The following RXFP1 variants were observed in gnomAD, a reference collection of about 807,000 sequenced individuals.
The protein encoded by RXFP1 is relaxin receptor 1.
A neutral mutation model predicts 89.8 loss-of-function variants in RXFP1; 73 were observed. The observed-to-expected ratio is 0.81, with a 90% CI of 0.67 to 0.99. RXFP1 has a LOEUF of 0.99. Among genes scored for constraint, RXFP1 ranks in the 50% least tolerant of loss-of-function variants. The pLI, the probability that RXFP1 is intolerant of heterozygous loss-of-function variation, is 0.00. For missense variants in RXFP1, 793 were observed against 895.5 expected (o/e 0.89, Z 1.46); for synonymous variants, 277 against 305.5 (o/e 0.91, Z 0.97).
At position 158,542,092 on chromosome 4, in the gene RXFP1, TA is replaced by T. The variant is rs1560973081; in HGVS notation, c.49+20068del. Among the ~76,000 whole-genome samples, 22 of 37,150 alleles carry T rather than the reference TA, an allele frequency of 5.9e-4. 1 individual carries two copies. In the East Asian group the frequency reaches 6.6e-3, roughly 11 times the overall value. 24.4% of individuals were successfully genotyped at this position (37,150 alleles called of 152,430 possible). A position where few individuals can be genotyped will look rare whatever the true frequency, so the allele number is the denominator to read the frequency against. ...GCGCCACCATGGCTATATATATATA[TA>T]TATATATATATATATATTTTTTTTT... On this transcript the variant is annotated intron_variant, in intron 1 of 17. Transcript: ENST00000307765.
chr4:158,551,890 G>A (rs1423177192), intron 1 of RXFP1, among the ~76,000 whole-genome samples: 8 of 151,408 alleles, frequency 5.3e-5, no homozygotes, highest in South Asian at 2.1e-4. Context: ...GCAGTGAGCC[G>A]AGATCACACA....
chr4:158,575,086 G>A (rs1483729723), intron 2 of RXFP1, among the ~76,000 whole-genome samples: 1 of 152,180 alleles, frequency 6.6e-6, no homozygotes, highest in Non-Finnish European at 1.5e-5. Context: ...CGTGGTGGGA[G>A]TAGCAAATTT....
At chr4:158,571,531 G>A (rs573713897) in intron 1 of RXFP1, among the ~76,000 whole-genome samples, 2 of 152,122 alleles carry the variant, frequency 1.3e-5, no homozygotes, top group Non-Finnish European at 2.9e-5. Flanking sequence ...GCGTGGTGGT[G>A]CATGCCTGTA....
intron 3 of RXFP1, among the ~76,000 whole-genome samples, chr4:158,596,506 C>T (rs1457426285): frequency 1.3e-5 from 2 of 152,026 alleles, no homozygotes; most frequent in Non-Finnish European, 2.9e-5. Context: ...GTGATCCACC[C>T]GCCTCAGCCT....
chr4:158,607,473 A>ACATCATACACTTTTAGGTTGGC (rs1762734445), intron 5 of RXFP1, among the ~76,000 whole-genome samples: 1 of 152,214 alleles, frequency 6.6e-6, no homozygotes, highest in Non-Finnish European at 1.5e-5. Flanking sequence ...GACATTAAAA[A>ACATCATACACTTTTAGGTTGGC]CATCATACAC....
At chr4:158,587,910 CT>C (rs1168091688) in intron 2 of RXFP1, among the ~76,000 whole-genome samples, 1 of 152,024 alleles carries the variant, frequency 6.6e-6, no homozygotes, top group Non-Finnish European at 1.5e-5. Flanking sequence ...AGCATTCAGC[CT>C]CTCTTAAAAG....
At position 158,619,519 on chromosome 4, in the gene RXFP1, G is replaced by C. The variant is rs74601905; in HGVS notation, c.755+2314G>C. On this transcript the variant is annotated intron_variant, in intron 9 of 17. Transcript: ENST00000307765. ...GTAAGCTTAAGTGTGGGCTACTATA[G>C]TGCTTTAAAAGAACTGGGAACCCCA... Among the ~76,000 whole-genome samples, 1,161 of 152,276 alleles carry C rather than the reference G, an allele frequency of 7.6e-3. 5 individuals carry two copies. Among genetic ancestry groups the C allele is most frequent in the South Asian group, 0.012 (60 of 4,824 alleles).
At chr4:158,595,690 A>G (rs1295429117) in intron 3 of RXFP1, among the ~76,000 whole-genome samples, 1 of 152,118 alleles carries the variant, frequency 6.6e-6, no homozygotes, top group Non-Finnish European at 1.5e-5. Flanking sequence ...TAAATTTTTA[A>G]TATTTTTTAT....
intron 2 of RXFP1, among the ~76,000 whole-genome samples, chr4:158,590,305 C>G (rs1373140019): frequency 3.9e-5 from 6 of 152,142 alleles, no homozygotes; most frequent in Non-Finnish European, 8.8e-5. Flanking sequence ...GCTGGGACTA[C>G]AGGCATGTAT....
At chr4:158,561,618 C>CT (rs1229391114) in intron 1 of RXFP1, among the ~76,000 whole-genome samples, 1 of 129,850 alleles carries the variant, frequency 7.7e-6, no homozygotes, top group African/African-American at 3.1e-5. Flanking sequence ...GTATTTTTTT[C>CT]TTTTTTTCTT....
intron 8 of RXFP1, among the ~76,000 whole-genome samples, chr4:158,616,249 C>T (rs1327733492): frequency 6.6e-6 from 1 of 152,006 alleles, no homozygotes; most frequent in East Asian, 1.9e-4. Flanking sequence ...TGGTGAAACC[C>T]CATCTCCACT....
intron 1 of RXFP1, among the ~76,000 whole-genome samples, chr4:158,562,838 C>G (rs1053719685): frequency 1.3e-5 from 2 of 152,056 alleles, no homozygotes; most frequent in Non-Finnish European, 2.9e-5. Context: ...GCAAATTAAA[C>G]CAACAAGAGG....
intron 1 of RXFP1, chr4:158,544,285 T>C: frequency 1.0e-6 from 1 of 985,180 alleles, no homozygotes; most frequent in Non-Finnish European, 1.2e-6. Context: ...TGTGGGACAA[T>C]AACTTGGAAT....
chr4:158,620,318 G>A (rs893241664), intron 9 of RXFP1, among the ~76,000 whole-genome samples: 1 of 152,036 alleles, frequency 6.6e-6, no homozygotes, highest in African/African-American at 2.4e-5. Flanking sequence ...AAAAGCTGCA[G>A]GATAATACAA....
intron 8 of RXFP1, among the ~76,000 whole-genome samples, chr4:158,616,465 C>A (rs999713316): frequency 6.7e-6 from 1 of 150,308 alleles, no homozygotes; most frequent in African/African-American, 2.4e-5. Context: ...AAAAATAAAA[C>A]AAGGTGTGCC....
At chr4:158,581,939 CA>C (rs1339865531) in intron 2 of RXFP1, among the ~76,000 whole-genome samples, 5 of 152,104 alleles carry the variant, frequency 3.3e-5, no homozygotes, top group African/African-American at 1.2e-4. Context: ...CCAGTGTGTG[CA>C]AAGATTACAT....
chr4:158,561,360 A>G (rs1752388916), intron 1 of RXFP1, among the ~76,000 whole-genome samples: 1 of 152,210 alleles, frequency 6.6e-6, no homozygotes, highest in African/African-American at 2.4e-5. Flanking sequence ...CACCTGACCT[A>G]ATGTAATTGG....
chr4:158,537,858 C>T (rs1415251530), intron 1 of RXFP1, among the ~76,000 whole-genome samples: 1 of 152,088 alleles, frequency 6.6e-6, no homozygotes, highest in Non-Finnish European at 1.5e-5. Flanking sequence ...TAGTAACTAG[C>T]AAGGAATTTA....
intron 2 of RXFP1, among the ~76,000 whole-genome samples, chr4:158,586,809 T>C (rs1758390442): frequency 6.6e-6 from 1 of 152,160 alleles, no homozygotes; most frequent in East Asian, 1.9e-4. Context: ...ATGTTGCTAT[T>C]TAATGAACAC....
Sources: allele counts gnomAD v4.1 joint callset (sites outside exome capture counted in the v4.1 genomes callset), GRCh38; gene constraint gnomAD v4.1.1; transcripts MANE v1.5; gene names NCBI Gene and HGNC (gene_info 2026-07-23, HGNC 2026-07-21).